The following SMC2 variants were observed in gnomAD, a reference collection of about 807,000 sequenced individuals.
The protein encoded by SMC2 is structural maintenance of chromosomes 2, also known as structural maintenance of chromosomes protein 2.
In SMC2, 41 loss-of-function variants were observed where a neutral mutation model predicts 142.6. The observed-to-expected ratio is 0.29, with a 90% confidence interval of 0.22 to 0.37. SMC2 has a LOEUF of 0.37. SMC2 is among the 10% of genes least tolerant of loss of function. The probability of loss-of-function intolerance (pLI) is 1.00; values close to 1 mark genes in which losing one functional copy is unlikely to be tolerated. For missense variants in SMC2, 1,265 were observed against 1,373.7 expected (o/e 0.92, Z 1.25); for synonymous variants, 463 against 457.5 (o/e 1.01, Z -0.15).
intron 16 of SMC2, among the ~76,000 whole-genome samples, chr9:104,122,320 C>T (rs1420738158): frequency 1.3e-5 from 2 of 152,192 alleles, no homozygotes; most frequent in Non-Finnish European, 2.9e-5. Context: ...CATTGTTTCA[C>T]ACCATATCAG....
In SMC2 at chr9:104,141,031, CAT is replaced by C. The variant is rs1158016668; in HGVS notation, c.*1717_*1718del. 1.3e-5 allele frequency: 2 copies of C among 152,150 alleles called. No homozygotes were observed. The highest frequency in any genetic ancestry group is 2.4e-5 in the African/African-American group (1 of 41,446). The allele number at this position is 152,150 out of a possible 1,614,324, so 9.4% of individuals were successfully genotyped here. ...ATCTTGATCTTTGAAAACCCTCAAA[CAT>C]GTATTAAATTGTTGTAACTTTTTTT... is the stretch of plus-strand genomic sequence containing the variant. On this transcript the variant is annotated 3_prime_UTR_variant, in exon 25 of 25. Transcript: ENST00000374793.
chr9:104,090,930 A>G (rs1458177632), upstream of SMC2, among the ~76,000 whole-genome samples: 1 of 152,260 alleles, frequency 6.6e-6, no homozygotes, highest in Non-Finnish European at 1.5e-5. Flanking sequence ...CAGAATTCAC[A>G]AAGAACCAAA....
chr9:104,123,972 G>A (rs1263737456), intron 17 of SMC2, among the ~76,000 whole-genome samples: 1 of 152,196 alleles, frequency 6.6e-6, no homozygotes, highest in East Asian at 1.9e-4. Flanking sequence ...AGTATTTTCT[G>A]CAGTGAAAAG....
intron 23 of SMC2, chr9:104,135,987 T>G (rs997745221): frequency 5.1e-5 from 26 of 509,986 alleles, no homozygotes; most frequent in African/African-American, 4.5e-4. Flanking sequence ...TAACATGGAT[T>G]TGGAGTTCAG....
At chr9:104,108,042 A>G (rs1455637669) in intron 9 of SMC2, among the ~76,000 whole-genome samples, 1 of 152,132 alleles carries the variant, frequency 6.6e-6, no homozygotes, top group Non-Finnish European at 1.5e-5. Context: ...CAACCAAACT[A>G]TCAATATCCG....
intron 9 of SMC2, among the ~76,000 whole-genome samples, chr9:104,105,629 GT>G (rs1831674496): frequency 6.6e-6 from 1 of 152,074 alleles, no homozygotes; most frequent in South Asian, 2.1e-4. Flanking sequence ...GGTTATGTTA[GT>G]TTTCATCATG....
intron 9 of SMC2, among the ~76,000 whole-genome samples, chr9:104,106,991 C>T (rs1205550015): frequency 1.3e-5 from 2 of 152,182 alleles, no homozygotes; most frequent in Non-Finnish European, 2.9e-5. Context: ...AGGCACATCT[C>T]AGAATCTTAG....
chr9:104,124,284 A>G lies in SMC2; in HGVS notation c.2258-628A>G, dbSNP rs941479770. 2.0e-5 allele frequency among the ~76,000 whole-genome samples: 3 copies of G among 151,764 alleles called. No homozygotes were observed. The South Asian group carries it at 6.2e-4, about 31-fold the overall frequency. Reference sequence around the variant, plus strand: ...GTATTTTTAGTAGAGATGAGGTTTTATCATGTTGGTCAGGATGGTCTTGAT... The same window carrying G: ...GTATTTTTAGTAGAGATGAGGTTTTGTCATGTTGGTCAGGATGGTCTTGAT... On this transcript the variant is annotated intron_variant, in intron 17 of 24. Transcript: ENST00000374793.
rs573452926 is a variant in SMC2 at position 104,099,805 on chromosome 9, C to G, written c.480+123C>G. 87 of 660,266 alleles carry G rather than the reference C, an allele frequency of 1.3e-4. 1 individual carries two copies. In the African/African-American group the frequency reaches 1.5e-3, roughly 12 times the overall value. 40.9% of individuals were successfully genotyped at this position (660,266 alleles called of 1,614,324 possible). ...ATTATTTGGGAATGATTAGTAAAGA[C>G]AGTTGTATATTTGTGTAATATTTGG... On this transcript the variant is annotated intron_variant, in intron 5 of 24. Coordinates refer to ENST00000374793, the MANE Select transcript of SMC2 (RefSeq NM_006444.3).
At chr9:104,098,603 A>G (rs1830745722) in intron 4 of SMC2, 35 bp downstream of exon 4, 1 of 1,564,678 alleles carries the variant, frequency 6.4e-7, no homozygotes, top group Non-Finnish European at 8.6e-7. Flanking sequence ...CACTTTCGTA[A>G]TAGTTTCGAC....
upstream of SMC2, among the ~76,000 whole-genome samples, chr9:104,093,355 T>C (rs1294174696): frequency 6.6e-6 from 1 of 152,120 alleles, no homozygotes; most frequent in African/African-American, 2.4e-5. Context: ...ATTCTATGCA[T>C]GAAGCCTAGT....
rs1006623701 is a variant in SMC2, at chr9:104,141,168, C to T, written c.*1853C>T. On this transcript the variant is annotated 3_prime_UTR_variant, in exon 25 of 25. Transcript: ENST00000374793. ...CTTTCTTTACATTAGCTGCTGTTCT[C>T]ATTTGTATGTATTGTCATATTTAAT... The T allele has an allele frequency of 6.6e-6, 1 of 152,132 alleles. No individual in the cohort carries two copies. The highest frequency in any genetic ancestry group is 2.1e-4 in the South Asian group (1 of 4,830). 9.4% of individuals were successfully genotyped at this position (152,132 alleles called of 1,614,324 possible).
chr9:104,114,896 G>T, intron 13 of SMC2, 67 bp downstream of exon 13: 8 of 1,327,200 alleles, frequency 6.0e-6, no homozygotes, highest in Non-Finnish European at 8.3e-6. Flanking sequence ...GCTGCTAAAA[G>T]AATTAAATAC....
intron 20 of SMC2, among the ~76,000 whole-genome samples, chr9:104,127,915 T>TA (rs1255617324): frequency 6.6e-6 from 1 of 152,218 alleles, no homozygotes; most frequent in East Asian, 1.9e-4. Context: ...TTATGAGTGT[T>TA]ACTGCTGTCA....
upstream of SMC2, among the ~76,000 whole-genome samples, chr9:104,091,467 T>C (rs1829980730): frequency 6.6e-6 from 1 of 152,192 alleles, no homozygotes; most frequent in African/African-American, 2.4e-5. Flanking sequence ...TATTATGTGG[T>C]GCACGAGTGT....
Position 104,100,500 on chromosome 9 carries a change from C to T in SMC2, c.636+67C>T, listed in dbSNP as rs571379536. 8.7e-5 allele frequency: 88 copies of T among 1,008,172 alleles called. No individual in the cohort carries two copies. In the African/African-American group the frequency reaches 1.3e-3, roughly 15 times the overall value. 62.5% of individuals were successfully genotyped at this position (1,008,172 alleles called of 1,614,324 possible). ...TCAAAGTCAGCAATGTATCCAAAAT[C>T]ATACACATAGTGATACTATTTCTTG... On this transcript the variant is annotated intron_variant, in intron 7 of 24. Transcript: ENST00000374793.
At chr9:104,104,623 T>C (rs368348582) in intron 9 of SMC2, among the ~76,000 whole-genome samples, 23 of 152,294 alleles carry the variant, frequency 1.5e-4, no homozygotes, top group African/African-American at 5.3e-4. Context: ...TCTACAGTTA[T>C]TCTTGAGAAC....
chr9:104,111,978 A>G (rs893169487), intron 10 of SMC2, among the ~76,000 whole-genome samples, 164 bp downstream of exon 10: 5 of 152,228 alleles, frequency 3.3e-5, no homozygotes, highest in African/African-American at 1.2e-4. Context: ...CGAAATTCAA[A>G]TATGTTGATT....
At chr9:104,132,885 A>G (rs955506677) in intron 22 of SMC2, among the ~76,000 whole-genome samples, 1 of 151,186 alleles carries the variant, frequency 6.6e-6, no homozygotes, top group African/African-American at 2.4e-5. Context: ...TGGACTTAGT[A>G]CAAATCAGAA....
Sources: gnomAD v4.1 joint callset for allele counts (sites outside exome capture counted in the v4.1 genomes callset) on GRCh38, gnomAD v4.1.1 for gene constraint, MANE v1.5 for transcripts, NCBI Gene and HGNC (gene_info 2026-07-23, HGNC 2026-07-21) for gene names.